The following CSMD1 variants were observed in gnomAD, a reference collection of about 807,000 sequenced individuals.
The protein encoded by CSMD1 is CUB and Sushi multiple domains 1.
CSMD1 carries 213 observed loss-of-function variants against 417.5 expected under a neutral mutation model. The ratio of observed to expected loss-of-function variants is 0.51; its 90% CI spans 0.46 to 0.57. The LOEUF is 0.57. CSMD1 is among the 20% of genes least tolerant of loss of function. CSMD1 has a pLI of 0.00. For missense variants in CSMD1, 6,923 were observed against 4,529.7 expected, an observed-to-expected ratio of 1.53 and a Z score of -15.17; for synonymous variants, 2,862 against 1,736.8, an observed-to-expected ratio of 1.65 and a Z score of -16.11.
At chr8:2,963,466 C>A in intron 59 of CSMD1, 71 bp from the exon 60 acceptor site, 1 of 1,478,826 alleles carries the variant, frequency 6.8e-7, no homozygotes, top group South Asian at 1.2e-5. Context: ...AAACGATTCC[C>A]ATTTTAATTT....
At chr8:3,544,535 C>G (rs561289161) in intron 10 of CSMD1, among the ~76,000 whole-genome samples, 2 of 152,062 alleles carry the variant, frequency 1.3e-5, no homozygotes, top group East Asian at 3.9e-4. Flanking sequence ...ACTGTGGACT[C>G]GCCCTGAATT....
At chr8:4,538,682 T>G (rs1169387887) in intron 2 of CSMD1, among the ~76,000 whole-genome samples, 1 of 152,028 alleles carries the variant, frequency 6.6e-6, no homozygotes, top group Non-Finnish European at 1.5e-5. Context: ...TAAAATAAAA[T>G]GTAGTACCAA....
intron 21 of CSMD1, among the ~76,000 whole-genome samples, chr8:3,355,861 C>T (rs190866391): frequency 3.0e-4 from 46 of 152,208 alleles, no homozygotes; most frequent in Admixed American, 1.8e-3. Flanking sequence ...AAACAATACA[C>T]GTGTAATGCA....
chr8:4,414,561 G>T (rs1206807836), intron 3 of CSMD1, among the ~76,000 whole-genome samples: 1 of 152,064 alleles, frequency 6.6e-6, no homozygotes, highest in Non-Finnish European at 1.5e-5. Context: ...CCATACTATA[G>T]ATCATATAAT....
chr8:4,112,135 A>T (rs975085636), intron 3 of CSMD1, among the ~76,000 whole-genome samples: 1 of 152,188 alleles, frequency 6.6e-6, no homozygotes, highest in African/African-American at 2.4e-5. Flanking sequence ...GCCCCTTCAA[A>T]GTGCTGGGCA....
intron 3 of CSMD1, among the ~76,000 whole-genome samples, chr8:4,334,886 A>T (rs1014070031): frequency 6.6e-6 from 1 of 152,076 alleles, no homozygotes; most frequent in Non-Finnish European, 1.5e-5. Context: ...GATCAAGGTG[A>T]TAGATCAGGT....
At chr8:2,939,831 A>G (rs1801740355) in intron 69 of CSMD1, among the ~76,000 whole-genome samples, 1 of 152,358 alleles carries the variant, frequency 6.6e-6, no homozygotes, top group South Asian at 2.1e-4. Flanking sequence ...AGTGATCGTT[A>G]GCAAACAAAT....
At chr8:3,433,507 T>C (rs1473969756) in intron 12 of CSMD1, among the ~76,000 whole-genome samples, 3 of 152,180 alleles carry the variant, frequency 2.0e-5, no homozygotes, top group Non-Finnish European at 4.4e-5. Context: ...GGTTCATTTT[T>C]CAAGATCTCC....
At chr8:3,956,814 G>A (rs188084855) in intron 5 of CSMD1, among the ~76,000 whole-genome samples, 14 of 152,234 alleles carry the variant, frequency 9.2e-5, no homozygotes, top group Admixed American at 2.6e-4. Flanking sequence ...ACACCCAGCC[G>A]TTACGGAAGG....
At chr8:3,872,292 C>T (rs1303918007) in intron 5 of CSMD1, among the ~76,000 whole-genome samples, 1 of 152,044 alleles carries the variant, frequency 6.6e-6, no homozygotes, top group Non-Finnish European at 1.5e-5. Context: ...TTGGGGTCAC[C>T]CTGTAAGTGC....
chr8:4,195,336 A>G (rs562159147), intron 3 of CSMD1, among the ~76,000 whole-genome samples: 8 of 152,342 alleles, frequency 5.3e-5, no homozygotes, highest in Admixed American at 2.6e-4. Flanking sequence ...ATAGAACAGG[A>G]TAAGTTAACA....
At chr8:3,210,683 T>C (rs557071257) in intron 30 of CSMD1, among the ~76,000 whole-genome samples, 52 of 149,326 alleles carry the variant, frequency 3.5e-4, no homozygotes, top group African/African-American at 1.2e-3. Context: ...TACACACCTA[T>C]ATATGTATAT....
intron 7 of CSMD1, among the ~76,000 whole-genome samples, chr8:3,653,107 CAT>C (rs1417356563): frequency 6.6e-6 from 1 of 152,028 alleles, no homozygotes; most frequent in African/African-American, 2.4e-5. Context: ...AGCCTCCATG[CAT>C]ATGCTTTATT....
chr8:3,747,234 G>C (rs1043990858), intron 6 of CSMD1, among the ~76,000 whole-genome samples: 1 of 152,144 alleles, frequency 6.6e-6, no homozygotes, highest in East Asian at 1.9e-4. Flanking sequence ...TCGCATGAGA[G>C]TTGAAGCTTC....
At chr8:3,352,152 G>C (rs554112663) in intron 21 of CSMD1, among the ~76,000 whole-genome samples, 5 of 152,280 alleles carry the variant, frequency 3.3e-5, no homozygotes, top group Non-Finnish European at 5.9e-5. Context: ...GAGAAACATG[G>C]GTGGGGAAGG....
intron 10 of CSMD1, among the ~76,000 whole-genome samples, chr8:3,555,566 G>A (rs1030919861): frequency 6.6e-6 from 1 of 152,190 alleles, no homozygotes; most frequent in Non-Finnish European, 1.5e-5. Context: ...CTTCACTGAA[G>A]CTTTTGTGTA....
intron 3 of CSMD1, among the ~76,000 whole-genome samples, chr8:4,155,267 T>C (rs1392200547): frequency 1.3e-5 from 2 of 152,138 alleles, no homozygotes; most frequent in East Asian, 3.9e-4. Context: ...GGTGAATAAG[T>C]CCGGGTGTGA....
intron 3 of CSMD1, among the ~76,000 whole-genome samples, chr8:4,201,325 T>C (rs1453688972): frequency 2.0e-5 from 3 of 151,704 alleles, no homozygotes; most frequent in African/African-American, 7.3e-5. Flanking sequence ...GATCACGAGG[T>C]CAGGAGATCG....
chr8:3,786,107 T>G (rs926294890), intron 5 of CSMD1, among the ~76,000 whole-genome samples: 2 of 152,060 alleles, frequency 1.3e-5, no homozygotes, highest in Non-Finnish European at 2.9e-5. Context: ...GGCGTGTAGT[T>G]TGTGAATCAA....
Sources: gnomAD v4.1 joint callset for allele counts (sites outside exome capture counted in the v4.1 genomes callset) on GRCh38, gnomAD v4.1.1 for gene constraint, MANE v1.5 for transcripts, NCBI Gene and HGNC (gene_info 2026-07-23, HGNC 2026-07-21) for gene names.